Variants in AGBL1 observed in about 807,000 individuals in gnomAD.
AGBL1 encodes the protein cytosolic carboxypeptidase 4.
AGBL1 carries 130 observed loss-of-function variants against 118.9 expected under a neutral mutation model. The ratio of observed to expected loss-of-function variants is 1.09; its 90% CI spans 0.95 to 1.26. The LOEUF is 1.26. AGBL1 is among the 50% of genes most tolerant of loss of function. AGBL1 has a pLI of 0.00. For synonymous variants in AGBL1, 555 were observed against 478.9 expected (o/e 1.16, Z -2.08); for missense variants, 1,584 against 1,298.1 (o/e 1.22, Z -3.38).
chr15:86,585,310 T>C (rs2084229313), intron 21 of AGBL1, among the ~76,000 whole-genome samples: 1 of 152,104 alleles, frequency 6.6e-6, no homozygotes, highest in African/African-American at 2.4e-5. Context: ...TGGCCAAAGA[T>C]AAGAGTAAAA....
At chr15:86,928,553 G>T (rs1333287574) in intron 23 of AGBL1, among the ~76,000 whole-genome samples, 1 of 152,160 alleles carries the variant, frequency 6.6e-6, no homozygotes, top group Non-Finnish European at 1.5e-5. Flanking sequence ...ATCACGTGCT[G>T]CAGAGCTTCT....
rs374193911 is a variant in AGBL1 at position 86,544,199 on chromosome 15, G to C, written c.2686-1803G>C. ...GCTCTGACCCAGGTTGGCTAGGACTGGATGGTCTAAGTTAGATTCATTCAC... is the reference window on the plus strand; with the variant it reads ...GCTCTGACCCAGGTTGGCTAGGACTCGATGGTCTAAGTTAGATTCATTCAC... On this transcript the variant is annotated intron_variant, in intron 19 of 22. Transcript: ENST00000614907. 1.9e-3 allele frequency among the ~76,000 whole-genome samples: 285 copies of C among 152,272 alleles called. 1 individual carries two copies. Among genetic ancestry groups the C allele is most frequent in the African/African-American group, 6.6e-3 (275 of 41,554 alleles).
chr15:86,904,838 C>G (rs1380582942), intron 22 of AGBL1, among the ~76,000 whole-genome samples: 1 of 151,202 alleles, frequency 6.6e-6, no homozygotes, highest in East Asian at 1.9e-4. Flanking sequence ...CTATATATAC[C>G]CCTGTTATAT....
chr15:86,299,347 C>A (rs543409892), intron 17 of AGBL1, among the ~76,000 whole-genome samples: 42 of 152,178 alleles, frequency 2.8e-4, no homozygotes, highest in African/African-American at 1.0e-3. Flanking sequence ...GGAACCTTTA[C>A]AAAAGGATCA....
At chr15:86,626,252 C>G (rs574305691) in intron 21 of AGBL1, among the ~76,000 whole-genome samples, 2 of 152,232 alleles carry the variant, frequency 1.3e-5, no homozygotes, top group Admixed American at 1.3e-4. Context: ...GACATGGAAT[C>G]CACCTAAATG....
intron 22 of AGBL1, among the ~76,000 whole-genome samples, chr15:86,769,171 GAGAGGGAGAGAGAGAGAGACAGAGAA>G (rs2078137287): frequency 8.4e-6 from 1 of 118,532 alleles, no homozygotes; most frequent in Non-Finnish European, 1.7e-5. Flanking sequence ...TTCTCATTTT[GAGAGGGAGAGAGAGAGAGACAGAGAA>G]AGAGGGAGAG....
chr15:86,083,219 G>A (rs1895407583), intron 1 of AGBL1: 1 of 152,060 alleles, frequency 6.6e-6, no homozygotes, highest in Admixed American at 6.5e-5. Flanking sequence ...TGTCTCATTT[G>A]TCCTGCTCTC....
chr15:86,832,399 T>G (rs1263923310), intron 22 of AGBL1, among the ~76,000 whole-genome samples: 1 of 152,210 alleles, frequency 6.6e-6, no homozygotes, highest in Non-Finnish European at 1.5e-5. Flanking sequence ...AAGTTCCAAT[T>G]CCAACCATCA....
At chr15:86,810,243 C>T (rs886388571) in intron 22 of AGBL1, among the ~76,000 whole-genome samples, 1 of 152,054 alleles carries the variant, frequency 6.6e-6, no homozygotes, top group Admixed American at 6.6e-5. Flanking sequence ...GGAATATAAC[C>T]TTCTTGGGGG....
intron 23 of AGBL1, among the ~76,000 whole-genome samples, chr15:86,972,947 T>C (rs2081125514): frequency 6.6e-6 from 1 of 152,034 alleles, no homozygotes; most frequent in Admixed American, 6.6e-5. Context: ...TCTTTCATTA[T>C]AATCTTGGTA....
chr15:86,428,714 C>T lies in AGBL1; in HGVS notation c.2555+31168C>T, dbSNP rs16977083. Among the ~76,000 whole-genome samples the T allele has an allele frequency of 3.2e-3, 493 of 152,260 alleles. 1 individual carries two copies. Among genetic ancestry groups the T allele is most frequent in the African/African-American group, 0.011 (462 of 41,556 alleles). On this transcript the variant is annotated intron_variant, in intron 18 of 22. Coordinates refer to ENST00000614907, the MANE Select transcript of AGBL1 (RefSeq NM_001386094.1). Reference sequence around the variant, plus strand: ...ATGAGGATGGATCAATAATAGAGTTCGCAGAATATCTGAAGGTCATTAATT... The same window carrying T: ...ATGAGGATGGATCAATAATAGAGTTTGCAGAATATCTGAAGGTCATTAATT...
intron 22 of AGBL1, among the ~76,000 whole-genome samples, chr15:86,735,669 T>TA (rs1555444836): frequency 2.6e-5 from 4 of 151,080 alleles, no homozygotes; most frequent in African/African-American, 7.3e-5. Context: ...TATATATATA[T>TA]TTTATTTGTC....
intron 22 of AGBL1, among the ~76,000 whole-genome samples, chr15:86,734,287 A>C (rs1286121029): frequency 2.0e-5 from 3 of 152,238 alleles, no homozygotes; most frequent in Non-Finnish European, 4.4e-5. Context: ...TGTGTAATAT[A>C]ACCCTGAGTG....
intron 21 of AGBL1, among the ~76,000 whole-genome samples, chr15:86,637,879 T>C (rs1019968277): frequency 6.6e-6 from 1 of 152,220 alleles, no homozygotes; most frequent in African/African-American, 2.4e-5. Context: ...TCTGTGCTCT[T>C]TATAGCATCA....
chr15:86,803,917 G>T (rs1038011765), intron 22 of AGBL1, among the ~76,000 whole-genome samples: 2 of 152,124 alleles, frequency 1.3e-5, no homozygotes, highest in African/African-American at 4.8e-5. Context: ...TCGCAATAAA[G>T]AATTACTTGG....
chr15:86,972,370 A>G (rs1435878121), intron 23 of AGBL1, among the ~76,000 whole-genome samples: 2 of 152,100 alleles, frequency 1.3e-5, no homozygotes, highest in African/African-American at 2.4e-5. Context: ...GTCTGAGGAA[A>G]TAGTGGCACC....
intron 18 of AGBL1, among the ~76,000 whole-genome samples, chr15:86,495,856 A>G (rs1187278833): frequency 1.3e-5 from 2 of 149,378 alleles, no homozygotes; most frequent in African/African-American, 2.5e-5. Flanking sequence ...TTTTTTTCCT[A>G]TTTGATCTGT....
At chr15:86,631,590 T>G (rs1352753606) in intron 21 of AGBL1, among the ~76,000 whole-genome samples, 2 of 152,238 alleles carry the variant, frequency 1.3e-5, no homozygotes, top group Non-Finnish European at 2.9e-5. Flanking sequence ...GCATCTTTTA[T>G]TTATCTCTTG....
intron 18 of AGBL1, among the ~76,000 whole-genome samples, chr15:86,448,600 G>A (rs2082156040): frequency 6.6e-6 from 1 of 152,192 alleles, no homozygotes; most frequent in South Asian, 2.1e-4. Context: ...TGTGTCTAGA[G>A]TGTCTTAGAG....
Sources: gnomAD v4.1 joint callset for allele counts (sites outside exome capture counted in the v4.1 genomes callset) on GRCh38, gnomAD v4.1.1 for gene constraint, MANE v1.5 for transcripts, NCBI Gene and HGNC (gene_info 2026-07-23, HGNC 2026-07-21) for gene names.